The following CHLSN variants were observed in gnomAD, a reference collection of about 807,000 sequenced individuals.
CHLSN encodes the protein protein cholesin.
the CHLSN span, among the ~76,000 whole-genome samples, chr7:1,099,746 T>C: frequency 6.6e-6 from 1 of 152,352 alleles, no homozygotes; most frequent in East Asian, 1.9e-4. Context: ...CCGTCTGACC[T>C]GTGCACAGAT....
chr7:1,112,865 C>T, the CHLSN span, among the ~76,000 whole-genome samples: 1 of 152,178 alleles, frequency 6.6e-6, no homozygotes, highest in Non-Finnish European at 1.5e-5. Flanking sequence ...ACCATGCAAC[C>T]CGGCAGCCAC....
At chr7:1,069,469 C>T in the CHLSN span, among the ~76,000 whole-genome samples, 3 of 146,848 alleles carry the variant, frequency 2.0e-5, no homozygotes, top group African/African-American at 7.5e-5. Context: ...GCCTGATTCT[C>T]CTGCCTCAGC....
chr7:991,148 C>T, the CHLSN span, among the ~76,000 whole-genome samples: 3 of 152,098 alleles, frequency 2.0e-5, no homozygotes, highest in South Asian at 2.1e-4. Context: ...GACCCTGTCC[C>T]GCCCCGCTTC....
chr7:994,800 G>A, the CHLSN span, among the ~76,000 whole-genome samples: 2 of 152,252 alleles, frequency 1.3e-5, no homozygotes, highest in Non-Finnish European at 2.9e-5. Context: ...ATCTACTGCA[G>A]GGGACATTTC....
chr7:1,085,678 T>TA, the CHLSN span, among the ~76,000 whole-genome samples: 8,986 of 129,254 alleles, frequency 0.07, 594 homozygotes, highest in African/African-American at 0.18. Context: ...ACAAAAAAAT[T>TA]AAAAAAAAAA....
chr7:1,082,152 G>A, the CHLSN span: 3 of 152,244 alleles, frequency 2.0e-5, no homozygotes, highest in African/African-American at 7.2e-5. Flanking sequence ...TTTCCAATTT[G>A]CCTTAATTAA....
At chr7:1,026,061 C>T in the CHLSN span, 1 of 152,234 alleles carries the variant, frequency 6.6e-6, no homozygotes, top group African/African-American at 2.4e-5. Flanking sequence ...GCCCCCTTGC[C>T]ACCTCCCAGA....
the CHLSN span, among the ~76,000 whole-genome samples, chr7:989,817 CAT>C: frequency 1.3e-5 from 2 of 152,044 alleles, no homozygotes; most frequent in African/African-American, 4.8e-5. Flanking sequence ...CACAGTGGCA[CAT>C]GTGCTGGGGG....
the CHLSN span, among the ~76,000 whole-genome samples, chr7:1,016,218 A>AGC: frequency 1.2e-4 from 7 of 57,548 alleles, 2 homozygotes; most frequent in Non-Finnish European, 2.2e-4. Context: ...AGCACACAGC[A>AGC]GCACACGCCA....
chr7:1,089,344 T>C, the CHLSN span, among the ~76,000 whole-genome samples: 1 of 152,200 alleles, frequency 6.6e-6, no homozygotes, highest in Non-Finnish European at 1.5e-5. Flanking sequence ...AGGCAGTGAT[T>C]CATCTTGTCT....
the CHLSN span, chr7:997,868 G>A: frequency 1.4e-6 from 2 of 1,450,452 alleles, no homozygotes; most frequent in African/African-American, 1.4e-5. Flanking sequence ...AACAGCAGGA[G>A]ACAAGACGCT....
At chr7:1,017,747 G>A in the CHLSN span, among the ~76,000 whole-genome samples, 3 of 152,174 alleles carry the variant, frequency 2.0e-5, no homozygotes, top group Non-Finnish European at 1.5e-5. Flanking sequence ...GGGCAGCCGC[G>A]GACGGCGGGG....
At chr7:990,418 G>A in the CHLSN span, among the ~76,000 whole-genome samples, 5 of 151,928 alleles carry the variant, frequency 3.3e-5, no homozygotes, top group African/African-American at 9.7e-5. Context: ...TGTCTGAGAC[G>A]GCCCTGGCCC....
the CHLSN span, among the ~76,000 whole-genome samples, chr7:1,051,430 G>A: frequency 1.3e-5 from 2 of 152,220 alleles, no homozygotes; most frequent in African/African-American, 4.8e-5. Flanking sequence ...ATTTGCTCAC[G>A]TCTCCCAGGC....
At chr7:1,116,665 C>T in the CHLSN span, among the ~76,000 whole-genome samples, 1 of 53,358 alleles carries the variant, frequency 1.9e-5, no homozygotes, top group Admixed American at 1.6e-4. Context: ...CCATCACCGA[C>T]GTCCACGCAG....
At chr7:1,075,391 G>A in the CHLSN span, among the ~76,000 whole-genome samples, 1 of 151,662 alleles carries the variant, frequency 6.6e-6, no homozygotes, top group Non-Finnish European at 1.5e-5. Flanking sequence ...AAAATTACAG[G>A]CAGGCGCCTG....
chr7:1,064,138 G>T, the CHLSN span, among the ~76,000 whole-genome samples: 2 of 152,162 alleles, frequency 1.3e-5, no homozygotes, highest in African/African-American at 4.8e-5. Flanking sequence ...ATGCAAGCAC[G>T]CATGCACACA....
the CHLSN span, among the ~76,000 whole-genome samples, chr7:1,053,769 G>C: frequency 0.025 from 3,870 of 152,330 alleles, 159 homozygotes; most frequent in African/African-American, 0.086. Flanking sequence ...GGAGGTTGCA[G>C]TGAGCTGAGA....
the CHLSN span, among the ~76,000 whole-genome samples, chr7:1,074,186 T>C: frequency 7.7e-4 from 6 of 7,842 alleles, no homozygotes; most frequent in Admixed American, 3.3e-3. Context: ...ACGCCCGACC[T>C]CTCACCCCGC....
Sources: allele counts gnomAD v4.1 joint callset (sites outside exome capture counted in the v4.1 genomes callset), GRCh38; gene constraint gnomAD v4.1.1; transcripts MANE v1.5; gene names NCBI Gene and HGNC (gene_info 2026-07-23, HGNC 2026-07-21).